The following ARSG variants were observed in gnomAD, a reference collection of about 807,000 sequenced individuals.
ARSG encodes arylsulfatase G, also known as ASG.
A neutral mutation model predicts 50.5 loss-of-function variants in ARSG; 37 were observed. The ratio of observed to expected loss-of-function variants is 0.73; its 90% CI spans 0.56 to 0.96. ARSG has a LOEUF of 0.96. ARSG is among the 50% of genes least tolerant of loss of function. ARSG has a pLI of 0.00. For missense variants in ARSG, 629 were observed against 675.3 expected (o/e 0.93, Z 0.76); for synonymous variants, 225 against 254.6 (o/e 0.88, Z 1.11).
At chr17:68,294,472 G>A (rs1375991180) in intron 1 of ARSG, among the ~76,000 whole-genome samples, 1 of 152,188 alleles carries the variant, frequency 6.6e-6, no homozygotes. Context: ...ACTTGGGTAA[G>A]TAGACTGAAA....
intron 2 of ARSG, among the ~76,000 whole-genome samples, chr17:68,314,858 G>A (rs2077010747): frequency 6.6e-6 from 1 of 152,230 alleles, no homozygotes; most frequent in South Asian, 2.1e-4. Flanking sequence ...TAATCTGCAT[G>A]ATAAAAGGTC....
intron 1 of ARSG, among the ~76,000 whole-genome samples, chr17:68,306,517 C>T (rs762844395): frequency 6.6e-6 from 1 of 152,190 alleles, no homozygotes; most frequent in Non-Finnish European, 1.5e-5. Context: ...GTAGCAGGAC[C>T]CTATCTCCAA....
At chr17:68,451,070 G>T in the ARSG span, among the ~76,000 whole-genome samples, 15 of 152,184 alleles carry the variant, frequency 9.9e-5, no homozygotes, top group Admixed American at 5.2e-4. Context: ...CCCCCACCCT[G>T]CCAGGTGGCT....
At chr17:68,377,403 T>C (rs1375636368) in intron 8 of ARSG, among the ~76,000 whole-genome samples, 2 of 152,226 alleles carry the variant, frequency 1.3e-5, no homozygotes, top group Non-Finnish European at 2.9e-5. Context: ...GAAAAGTCTT[T>C]AGCCCTTGCA....
chr17:68,365,510 A>G (rs971398464), intron 6 of ARSG, among the ~76,000 whole-genome samples: 1 of 152,170 alleles, frequency 6.6e-6, no homozygotes, highest in African/African-American at 2.4e-5. Context: ...GCTCTTCATC[A>G]GCCTGTGCTC....
chr17:68,307,317 A>C lies in ARSG; in HGVS notation c.-177A>C, dbSNP rs1438436752. 1 of 590,724 alleles carries C rather than the reference A, an allele frequency of 1.7e-6. No homozygotes were observed. Among genetic ancestry groups the C allele is most frequent in the Admixed American group, 3.1e-5 (1 of 32,644 alleles). The allele number at this position is 590,724 out of a possible 1,614,324, so 36.6% of individuals were successfully genotyped here. A position where few individuals can be genotyped will look rare whatever the true frequency, so the allele number is the denominator to read the frequency against. ...TGGGGGCCTCATTTCTACAGCCCCC[A>C]ACATTCCTATAGCCGTTATCACTGC... On this transcript the variant is annotated 5_prime_UTR_variant, in exon 2 of 12. Transcript: ENST00000621439.
chr17:68,326,200 G>T (rs1454861474), intron 2 of ARSG, among the ~76,000 whole-genome samples: 3 of 152,172 alleles, frequency 2.0e-5, no homozygotes, highest in East Asian at 1.9e-4. Flanking sequence ...GGACAAACTC[G>T]AACAGTGCTG....
intron 8 of ARSG, 54 bp from the exon 9 acceptor site, chr17:68,385,010 A>G (rs1047758659): frequency 2.8e-6 from 4 of 1,447,472 alleles, no homozygotes; most frequent in South Asian, 1.1e-5. Context: ...TTAGCTGAAA[A>G]GAAGTCTCGA....
intron 6 of ARSG, among the ~76,000 whole-genome samples, chr17:68,358,519 T>C (rs1457838160): frequency 6.6e-6 from 1 of 152,004 alleles, no homozygotes; most frequent in Non-Finnish European, 1.5e-5. Context: ...TGAAACCCTG[T>C]GTCTACTAAA....
At chr17:68,351,728 G>T in intron 5 of ARSG, 42 bp downstream of exon 5, 3 of 1,358,616 alleles carry the variant, frequency 2.2e-6, no homozygotes, top group Non-Finnish European at 3.2e-6. Flanking sequence ...CCAGGACAAG[G>T]CAAAGTTCCA....
intron 1 of ARSG, among the ~76,000 whole-genome samples, chr17:68,264,196 G>T (rs1420925733): frequency 6.6e-6 from 1 of 152,000 alleles, no homozygotes; most frequent in African/African-American, 2.4e-5. Context: ...TACAATAGTT[G>T]AATTGGAGTA....
chr17:68,310,619 C>T (rs1305774082), intron 2 of ARSG, among the ~76,000 whole-genome samples: 1 of 152,222 alleles, frequency 6.6e-6, no homozygotes, highest in Non-Finnish European at 1.5e-5. Context: ...TCTGTCTGCA[C>T]TGGGCGAAAC....
intron 1 of ARSG, among the ~76,000 whole-genome samples, chr17:68,261,618 A>G (rs551436568): frequency 2.6e-5 from 4 of 152,292 alleles, no homozygotes; most frequent in South Asian, 4.1e-4. Flanking sequence ...GGCTCAAGCA[A>G]TCTGCCCACC....
intron 4 of ARSG, among the ~76,000 whole-genome samples, chr17:68,350,258 G>A (rs1022522467): frequency 6.6e-6 from 1 of 152,106 alleles, no homozygotes; most frequent in African/African-American, 2.4e-5. Flanking sequence ...CTTATAGAGA[G>A]GGCCAAAAAC....
chr17:68,335,348 T>A (rs948134921), intron 2 of ARSG, among the ~76,000 whole-genome samples: 1 of 151,872 alleles, frequency 6.6e-6, no homozygotes, highest in African/African-American at 2.4e-5. Context: ...GGTCCGGAGA[T>A]TGAGACCATC....
intron 10 of ARSG, among the ~76,000 whole-genome samples, chr17:68,396,394 C>T (rs935347990): frequency 1.1e-4 from 16 of 152,178 alleles, no homozygotes; most frequent in African/African-American, 2.9e-4. Context: ...CTCAATGTCC[C>T]CTGTTTGCAC....
At chr17:68,413,171 C>T (rs1479965642) in intron 11 of ARSG, among the ~76,000 whole-genome samples, 5 of 152,102 alleles carry the variant, frequency 3.3e-5, no homozygotes, top group South Asian at 2.1e-4. Context: ...TGAGGAACTG[C>T]GTTCCTTTGG....
At chr17:68,302,102 C>G (rs1555762104) in intron 1 of ARSG, among the ~76,000 whole-genome samples, 1 of 152,140 alleles carries the variant, frequency 6.6e-6, no homozygotes, top group Non-Finnish European at 1.5e-5. Context: ...GGTTTAAAAT[C>G]TGTCAGTCAG....
intron 11 of ARSG, among the ~76,000 whole-genome samples, chr17:68,412,443 TTGGCCCCCACTCTCTTC>T (rs2082061990): frequency 6.6e-6 from 1 of 152,252 alleles, no homozygotes; most frequent in Non-Finnish European, 1.5e-5. Flanking sequence ...ATGTTGAATA[TTGGCCCCCACTCTCTTC>T]TGGCTTGTAG....
Sources: gnomAD v4.1 joint callset for allele counts (sites outside exome capture counted in the v4.1 genomes callset) on GRCh38, gnomAD v4.1.1 for gene constraint, MANE v1.5 for transcripts, NCBI Gene and HGNC (gene_info 2026-07-23, HGNC 2026-07-21) for gene names.